The following CBL variants were observed in gnomAD, a reference collection of about 807,000 sequenced individuals.
CBL encodes the protein Cbl proto-oncogene, also known as E3 ubiquitin-protein ligase CBL.
CBL carries 45 observed loss-of-function variants against 96.9 expected under a neutral mutation model. The ratio of observed to expected loss-of-function variants is 0.46; its 90% confidence interval spans 0.37 to 0.60. CBL has a LOEUF of 0.60. Among genes scored for constraint, CBL ranks in the 20% least tolerant of loss-of-function variants. The pLI is 0.00. For synonymous variants in CBL, 420 were observed against 426.8 expected (o/e 0.98, Z 0.20); for missense variants, 1,024 against 1,143.5 (o/e 0.90, Z 1.51).
At chr11:119,297,347 T>G in intron 13 of CBL, 37 bp from the exon 14 acceptor site, 1 of 1,459,286 alleles carries the variant, frequency 6.9e-7, no homozygotes, top group Non-Finnish European at 9.6e-7. Context: ...ACAGTTCTAT[T>G]TCCAAAGATC....
chr11:119,306,060 G>A lies in CBL; in HGVS notation c.*6279G>A, dbSNP rs1950137775. 4 of 381,098 alleles carry A rather than the reference G, an allele frequency of 1.0e-5. No homozygotes were observed. The highest frequency in any genetic ancestry group is 7.4e-5 in the East Asian group (2 of 26,926). The allele number at this position is 381,098 out of a possible 1,614,324, so 23.6% of individuals were successfully genotyped here. ...TCCCAGGAAATCTGGGTTGGTTCCA[G>A]TGGGAAATACCAGTATTTCTTGGTT... On this transcript the variant is annotated 3_prime_UTR_variant, in exon 16 of 16. Coordinates refer to ENST00000264033, the MANE Select transcript of CBL (RefSeq NM_005188.4).
intron 2 of CBL, among the ~76,000 whole-genome samples, chr11:119,242,734 G>T (rs1949596356): frequency 8.1e-6 from 1 of 123,420 alleles, no homozygotes; most frequent in Admixed American, 8.5e-5. Flanking sequence ...ATAAGGCCCT[G>T]ACTCTTTAAA....
At chr11:119,229,151 C>T (rs1949482436) in intron 1 of CBL, among the ~76,000 whole-genome samples, 1 of 152,136 alleles carries the variant, frequency 6.6e-6, no homozygotes, top group South Asian at 2.1e-4. Context: ...CACAGACTAA[C>T]ATAGGAAACT....
At chr11:119,277,179 G>A (rs1042364538) in intron 6 of CBL, among the ~76,000 whole-genome samples, 2 of 151,258 alleles carry the variant, frequency 1.3e-5, no homozygotes, top group African/African-American at 2.4e-5. Flanking sequence ...TCCAGGAGGC[G>A]GAGGTTTCAG....
At position 119,232,463 on chromosome 11, in the gene CBL, C is replaced by A; in HGVS notation, c.211C>A (p.Gln71Lys). The change falls in exon 2 of 16, where the codon CAG (glutamine) becomes AAG (lysine). Residue 71 changes from glutamine to lysine, a missense_variant. Transcript: ENST00000264033. ...TTTGTTGCAGGTGGTGCGGTTGTGTCAGAACCCAAAGCTGGCGCTAAAGAA... is the reference window on the plus strand; with the variant it reads ...TTTGTTGCAGGTGGTGCGGTTGTGTAAGAACCCAAAGCTGGCGCTAAAGAA... ...KLMDKVVRLC[Q>K]NPKLALKNSP... is the part of the protein sequence containing the mutation. The A allele has an allele frequency of 6.2e-7, 1 of 1,613,824 alleles. No individual in the cohort carries two copies. The highest frequency in any genetic ancestry group is 1.1e-5 in the South Asian group (1 of 91,056).
chr11:119,294,980 A>T (rs1276392888), intron 12 of CBL, among the ~76,000 whole-genome samples: 4 of 152,192 alleles, frequency 2.6e-5, no homozygotes, highest in Admixed American at 2.6e-4. Context: ...ATGTTATTAC[A>T]TATTCTGTTG....
intron 9 of CBL, among the ~76,000 whole-genome samples, chr11:119,281,858 T>G (rs1228693760): frequency 2.6e-5 from 4 of 152,134 alleles, no homozygotes. Flanking sequence ...AAGGGTATTT[T>G]TGGTTTGTTT....
At chr11:119,296,806 G>A (rs993048217) in intron 12 of CBL, 112 bp from the exon 13 acceptor site, 1 of 697,994 alleles carries the variant, frequency 1.4e-6, no homozygotes, top group Non-Finnish European at 2.6e-6. Context: ...TAGGTGACAT[G>A]TATTTTGCTC....
chr11:119,233,773 G>C lies in CBL; in HGVS notation c.443+1078G>C, dbSNP rs573076978. 3.3e-5 allele frequency among the ~76,000 whole-genome samples: 5 copies of C among 152,294 alleles called. No homozygotes were observed. The South Asian group carries it at 1.0e-3, about 32-fold the overall frequency. On this transcript the variant is annotated intron_variant, in intron 2 of 15. Coordinates refer to ENST00000264033, the MANE Select transcript of CBL (RefSeq NM_005188.4). ...GTAGTGACTTGAATTAGAAGGAACA[G>C]TATTTCTGAAGTCATCTGGTTACCA...
At chr11:119,218,389 A>C (rs1359761162) in intron 1 of CBL, among the ~76,000 whole-genome samples, 1 of 152,198 alleles carries the variant, frequency 6.6e-6, no homozygotes, top group East Asian at 1.9e-4. Context: ...ATTGTGTCTT[A>C]ATTAGTGTAT....
chr11:119,288,007 C>T, intron 12 of CBL, 61 bp downstream of exon 12: 2 of 1,167,316 alleles, frequency 1.7e-6, no homozygotes, highest in Admixed American at 1.7e-5. Context: ...AGCTTACTTG[C>T]AGAAAATTGA....
Position 119,307,015 on chromosome 11 carries a change from A to G in CBL, c.*7234A>G. On this transcript the variant is annotated 3_prime_UTR_variant, in exon 16 of 16. Transcript: ENST00000264033. The stretch of plus-strand genomic sequence containing the variant: ...ATCCCAGGCTGCATTTTAGGACTTA[A>G]TATGGAAATACCAGAGTCTGAGCTC... 2 of 228,676 alleles carry G rather than the reference A, an allele frequency of 8.7e-6. No individual in the cohort carries two copies. Among genetic ancestry groups the G allele is most frequent in the Non-Finnish European group, 1.7e-5 (2 of 115,206 alleles). 14.2% of individuals were successfully genotyped at this position (228,676 alleles called of 1,614,324 possible). A position where few individuals can be genotyped will look rare whatever the true frequency, so the allele number is the denominator to read the frequency against.
chr11:119,254,342 G>A (rs373969648), intron 2 of CBL, among the ~76,000 whole-genome samples: 12 of 152,198 alleles, frequency 7.9e-5, no homozygotes, highest in African/African-American at 9.6e-5. Flanking sequence ...TATTGCTAAC[G>A]ACAGGATGCA....
intron 9 of CBL, among the ~76,000 whole-genome samples, chr11:119,280,608 G>T (rs1166284589): frequency 6.6e-6 from 1 of 151,760 alleles, no homozygotes; most frequent in African/African-American, 2.4e-5. Context: ...TTTTTTTAAG[G>T]TTTAAAAGAA....
At chr11:119,298,587 C>T (rs1421600894) in intron 15 of CBL, 47 bp downstream of exon 15, 1 of 1,524,984 alleles carries the variant, frequency 6.6e-7, no homozygotes, top group Non-Finnish European at 9.1e-7. Flanking sequence ...GCAGTGTGGC[C>T]TGTATGTTTA....
intron 2 of CBL, among the ~76,000 whole-genome samples, chr11:119,255,877 G>A (rs1025311864): frequency 1.8e-4 from 28 of 151,708 alleles, no homozygotes; most frequent in Non-Finnish European, 3.8e-4. Context: ...GTTTAAAATG[G>A]CCCATTTCCC....
intron 1 of CBL, among the ~76,000 whole-genome samples, chr11:119,209,732 A>C (rs1949302113): frequency 6.6e-6 from 1 of 152,154 alleles, no homozygotes; most frequent in Non-Finnish European, 1.5e-5. Flanking sequence ...ATTCCAGCCA[A>C]CTCTTAATCA....
chr11:119,243,034 T>C (rs533925415), intron 2 of CBL, among the ~76,000 whole-genome samples: 1 of 152,112 alleles, frequency 6.6e-6, no homozygotes, highest in Non-Finnish European at 1.5e-5. Flanking sequence ...TCCCAGCACT[T>C]TGGGAGGCTG....
At chr11:119,292,903 G>A (rs1950038707) in intron 12 of CBL, among the ~76,000 whole-genome samples, 1 of 152,284 alleles carries the variant, frequency 6.6e-6, no homozygotes, top group Non-Finnish European at 1.5e-5. Context: ...TAAACCCATT[G>A]TAAATTGAAA....
Sources: allele counts gnomAD v4.1 joint callset (sites outside exome capture counted in the v4.1 genomes callset), GRCh38; gene constraint gnomAD v4.1.1; transcripts MANE v1.5; gene names NCBI Gene and HGNC (gene_info 2026-07-23, HGNC 2026-07-21).